The following ENTREP2 variants were observed in gnomAD, a reference collection of about 807,000 sequenced individuals.
ENTREP2 encodes the protein protein ENTREP2.
At chr15:29,625,788 A>G in the ENTREP2 span, among the ~76,000 whole-genome samples, 1 of 152,180 alleles carries the variant, frequency 6.6e-6, no homozygotes, top group Non-Finnish European at 1.5e-5. Flanking sequence ...CAGTTTCTCA[A>G]CATCCTTGCC....
chr15:29,154,116 C>T, the ENTREP2 span, among the ~76,000 whole-genome samples: 10 of 152,170 alleles, frequency 6.6e-5, no homozygotes, highest in Non-Finnish European at 1.3e-4. Context: ...TATCTTGAGA[C>T]TTTGCTGAAA....
chr15:29,492,063 G>C, the ENTREP2 span, among the ~76,000 whole-genome samples: 24 of 129,348 alleles, frequency 1.9e-4, no homozygotes, highest in African/African-American at 8.1e-4. Flanking sequence ...CTGTTGGTTT[G>C]ATTTTTTTTT....
the ENTREP2 span, among the ~76,000 whole-genome samples, chr15:29,311,114 A>G: frequency 6.6e-6 from 1 of 152,160 alleles, no homozygotes; most frequent in Non-Finnish European, 1.5e-5. Context: ...GTGCTTTGTG[A>G]TGAGAGACCT....
the ENTREP2 span, among the ~76,000 whole-genome samples, chr15:29,133,459 C>G: frequency 6.6e-6 from 1 of 152,198 alleles, no homozygotes; most frequent in African/African-American, 2.4e-5. Context: ...CACACCTGCG[C>G]TCCCCTGCGC....
chr15:29,576,319 T>TGAG, the ENTREP2 span, among the ~76,000 whole-genome samples: 1 of 152,164 alleles, frequency 6.6e-6, no homozygotes, highest in Non-Finnish European at 1.5e-5. Flanking sequence ...CATATCATAA[T>TGAG]CAAAAGTTAA....
At chr15:29,354,209 G>C in the ENTREP2 span, among the ~76,000 whole-genome samples, 2 of 152,264 alleles carry the variant, frequency 1.3e-5, no homozygotes, top group Non-Finnish European at 2.9e-5. Flanking sequence ...CAGAGCTTCT[G>C]CTTCTCCCAC....
At chr15:29,361,026 C>G in the ENTREP2 span, among the ~76,000 whole-genome samples, 2 of 152,190 alleles carry the variant, frequency 1.3e-5, no homozygotes, top group African/African-American at 4.8e-5. Flanking sequence ...TCGATTTACT[C>G]CTGGACCCCT....
the ENTREP2 span, among the ~76,000 whole-genome samples, chr15:29,439,579 C>G: frequency 6.6e-6 from 1 of 152,290 alleles, no homozygotes. Flanking sequence ...ACCCCCAGAA[C>G]ACCAGGGTGA....
chr15:29,385,738 C>T, the ENTREP2 span, among the ~76,000 whole-genome samples: 3 of 152,158 alleles, frequency 2.0e-5, no homozygotes, highest in South Asian at 2.1e-4. Context: ...GCGAGGGCTC[C>T]ACCCTCAGGC....
the ENTREP2 span, among the ~76,000 whole-genome samples, chr15:29,163,266 C>G: frequency 1.3e-5 from 2 of 152,072 alleles, no homozygotes; most frequent in African/African-American, 4.8e-5. Context: ...GAACAGCACC[C>G]CCCAAAATCA....
At chr15:29,458,319 A>C in the ENTREP2 span, among the ~76,000 whole-genome samples, 1 of 152,142 alleles carries the variant, frequency 6.6e-6, no homozygotes, top group African/African-American at 2.4e-5. Flanking sequence ...GCAAGGGCAG[A>C]TCTTCTTTCC....
At chr15:29,562,230 G>C in the ENTREP2 span, among the ~76,000 whole-genome samples, 1 of 152,238 alleles carries the variant, frequency 6.6e-6, no homozygotes, top group Non-Finnish European at 1.5e-5. Context: ...CTGGGCCAGA[G>C]AGGAAAAAGA....
chr15:29,196,568 G>T, the ENTREP2 span: 1 of 1,548,580 alleles, frequency 6.5e-7, no homozygotes, highest in Non-Finnish European at 8.7e-7. Flanking sequence ...ACTTAATCTA[G>T]ACAGAGGAAC....
chr15:29,436,892 TAGAC>T, the ENTREP2 span, among the ~76,000 whole-genome samples: 2 of 152,256 alleles, frequency 1.3e-5, no homozygotes, highest in Non-Finnish European at 2.9e-5. Context: ...ATCCAGTCTT[TAGAC>T]AGAATTTCAA....
the ENTREP2 span, among the ~76,000 whole-genome samples, chr15:29,186,793 T>C: frequency 6.6e-6 from 1 of 152,216 alleles, no homozygotes; most frequent in South Asian, 2.1e-4. Flanking sequence ...TCTCTTTCTT[T>C]GTTCTGGTCT....
At chr15:29,662,932 C>G in the ENTREP2 span, among the ~76,000 whole-genome samples, 1 of 151,546 alleles carries the variant, frequency 6.6e-6, no homozygotes, top group Non-Finnish European at 1.5e-5. Flanking sequence ...AGGCTGGTCT[C>G]AAACTCCCAA....
At chr15:29,656,050 T>C in the ENTREP2 span, among the ~76,000 whole-genome samples, 5 of 144,792 alleles carry the variant, frequency 3.5e-5, no homozygotes, top group Non-Finnish European at 7.5e-5. Context: ...AAAACAACTA[T>C]GTAGGCCACA....
chr15:29,359,184 A>C, the ENTREP2 span, among the ~76,000 whole-genome samples: 1 of 152,306 alleles, frequency 6.6e-6, no homozygotes, highest in South Asian at 2.1e-4. Context: ...TTATGGAAAA[A>C]AACTGCAAAA....
the ENTREP2 span, among the ~76,000 whole-genome samples, chr15:29,345,460 G>C: frequency 1.3e-5 from 2 of 152,110 alleles, no homozygotes; most frequent in Non-Finnish European, 2.9e-5. Context: ...CCCCGCCAAG[G>C]CTGTCTGCTT....
Sources: allele counts gnomAD v4.1 joint callset (sites outside exome capture counted in the v4.1 genomes callset), GRCh38; gene constraint gnomAD v4.1.1; transcripts MANE v1.5; gene names NCBI Gene and HGNC (gene_info 2026-07-23, HGNC 2026-07-21).